CTSW: variants seen among roughly 807,000 people sequenced by gnomAD.
The protein encoded by CTSW is lymphopain.
A neutral mutation model predicts 43.8 loss-of-function variants in CTSW; 42 were observed. The ratio of observed to expected loss-of-function variants is 0.96; its 90% CI spans 0.75 to 1.24. The LOEUF is 1.24. Among genes scored for constraint, CTSW ranks in the 50% most tolerant of loss-of-function variants. The pLI is 0.00. For missense variants in CTSW, 475 were observed against 479.9 expected, an observed-to-expected ratio of 0.99 and a Z score of 0.09; for synonymous variants, 191 against 184.8, an observed-to-expected ratio of 1.03 and a Z score of -0.27.
chr11:65,880,096 A>G, intron 1 of CTSW, 106 bp from the exon 2 acceptor site: 1 of 1,252,616 alleles, frequency 8.0e-7, no homozygotes. Context: ...AGAAAAGGCT[A>G]ACTGGCTGAC....
chr11:65,881,787 C>A (rs1860108510), intron 3 of CTSW, among the ~76,000 whole-genome samples: 1 of 152,136 alleles, frequency 6.6e-6, no homozygotes. Flanking sequence ...AGGCTTGGCA[C>A]CCTTGCCTTT....
In CTSW at chr11:65,883,424, G is replaced by A. The variant is rs926041427; in HGVS notation, c.1020G>A (p.Lys340=). 3.1e-6 allele frequency: 5 copies of A among 1,614,070 alleles called. No homozygotes were observed. Among genetic ancestry groups the A allele is most frequent in the Non-Finnish European group, 4.2e-6 (5 of 1,179,970 alleles). The change falls in exon 9 of 10, where the codon AAG becomes AAA. Residue 340 remains lysine, a splice_region_variant and synonymous_variant. Transcript: ENST00000307886. The stretch of plus-strand genomic sequence containing the variant: ...CCTGGGGGGCCCAATGGGGAGAGAA[G>A]GTGAGTGTGATCTATTGGGGGAGGG... ...KNSWGAQWGE[K]GYFRLHRGSN...
intron 3 of CTSW, among the ~76,000 whole-genome samples, 172 bp from the exon 4 acceptor site, chr11:65,882,003 C>T (rs984954240): frequency 6.6e-6 from 1 of 152,194 alleles, no homozygotes; most frequent in African/African-American, 2.4e-5. Flanking sequence ...TCAAGTGATC[C>T]ACCCACCTTG....
In CTSW at chr11:65,882,515, T is replaced by C; in HGVS notation, c.527T>C (p.Val176Ala). The stretch of plus-strand genomic sequence containing the variant: ...ATCAGTTTCTGGGATTTTGTGGATG[T>C]CTCCGTGCAGGGTAGGGTTGGGAGA... The part of the protein sequence containing the change: ...WRISFWDFVD[V>A]SVQELLDCGR... The change falls in exon 5 of 10, where the codon GTC becomes GCC. Residue 176 changes from valine (V) to alanine (A), a missense_variant. Coordinates refer to ENST00000307886, the MANE Select transcript of CTSW (RefSeq NM_001335.4). The C allele has an allele frequency of 6.2e-7, 1 of 1,614,140 alleles. No individual in the cohort carries two copies. Among genetic ancestry groups the C allele is most frequent in the African/African-American group, 1.3e-5 (1 of 75,050 alleles).
chr11:65,882,248 G>A lies in CTSW; in HGVS notation c.360G>A (p.Arg120=), dbSNP rs1197582458. ...TCCCCAGCATGGGCAGAGAAATAAG[G>A]TCTGAAGAGCCAGAGGAGTCAGTAC... ...GGVPSMGREI[R]SEEPEESVPF... is the part of the protein sequence containing the mutation. The change falls in exon 4 of 10, where the codon AGG becomes AGA. Residue 120 remains arginine (R), a synonymous_variant. Coordinates refer to ENST00000307886, the MANE Select transcript of CTSW (RefSeq NM_001335.4). 6.2e-7 allele frequency: 1 copy of A among 1,614,068 alleles called. No homozygotes were observed. Among genetic ancestry groups the A allele is most frequent in the African/African-American group, 1.3e-5 (1 of 74,924 alleles).
chr11:65,881,543 G>A (rs773950358), intron 3 of CTSW, 23 bp downstream of exon 3: 156 of 1,532,352 alleles, frequency 1.0e-4, no homozygotes, highest in South Asian at 2.2e-4. Flanking sequence ...CTTCTGGCTC[G>A]TAGGTGGTGG....
intron 2 of CTSW, chr11:65,880,510 G>A (rs932715174): frequency 1.1e-5 from 4 of 369,206 alleles, no homozygotes; most frequent in Non-Finnish European, 1.5e-5. Context: ...TAGTAGAGAT[G>A]GGGTTTGACC....
In CTSW at chr11:65,883,326, T is replaced by C; in HGVS notation, c.922T>C (p.Trp308Arg). 3 of 1,614,078 alleles carry C rather than the reference T, an allele frequency of 1.9e-6. No individual in the cohort carries two copies. The highest frequency in any genetic ancestry group is 1.7e-6 in the Non-Finnish European group (2 of 1,180,004). Reference protein sequence around the residue: ...FGSVKSEEGIWAETVSSQSQP... With the variant: ...FGSVKSEEGIRAETVSSQSQP... ...CAGCGTCAAGTCAGAGGAGGGGATA[T>C]GGGCAGAGACAGTCTCATCGCAGTC... Residue 308 changes from tryptophan (W) to arginine (R), a missense_variant, in exon 9 of 10, where the codon TGG becomes CGG. Trp to Arg is a moderately radical substitution (Grantham distance 101). Coordinates refer to ENST00000307886, the MANE Select transcript of CTSW (RefSeq NM_001335.4).
chr11:65,882,068 G>A, intron 3 of CTSW, 107 bp from the exon 4 acceptor site: 1 of 1,398,206 alleles, frequency 7.2e-7, no homozygotes, highest in Non-Finnish European at 9.8e-7. Context: ...GCCTATCCTT[G>A]CCTTTTTGCC....
rs1860123159 is a variant in CTSW at position 65,882,525 on chromosome 11, G to A, written c.537G>A (p.Gln179=). The A allele has an allele frequency of 6.2e-7, 1 of 1,614,174 alleles. No homozygotes were observed. Among genetic ancestry groups the A allele is most frequent in the Non-Finnish European group, 8.5e-7 (1 of 1,179,998 alleles). The change falls in exon 5 of 10, where the codon CAG becomes CAA. Residue 179 remains glutamine, a splice_region_variant and synonymous_variant. Coordinates refer to ENST00000307886, the MANE Select transcript of CTSW (RefSeq NM_001335.4). ...SFWDFVDVSV[Q]ELLDCGRCGD... is the part of the protein sequence containing the mutation. ...GGGATTTTGTGGATGTCTCCGTGCA[G>A]GGTAGGGTTGGGAGAGGGTGCGCGT... is the stretch of plus-strand genomic sequence containing the variant.
At chr11:65,880,348 T>A in intron 2 of CTSW, 62 bp downstream of exon 2, 1 of 1,365,220 alleles carries the variant, frequency 7.3e-7, no homozygotes, top group East Asian at 2.4e-5. Context: ...TGAGACGGAG[T>A]TTCACTCTTG....
rs374468758 is a variant in CTSW at position 65,882,339 on chromosome 11, G to A, written c.441+10G>A. 1.4e-5 allele frequency: 23 copies of A among 1,613,976 alleles called. No homozygotes were observed. The highest frequency in any genetic ancestry group is 2.2e-5 in the East Asian group (1 of 44,896). ...ACCCATCAAGGACCAGGTATCTGCC[G>A]CTACCCAGCTGGCTCTAATTCAGCT... On this transcript the variant is annotated intron_variant, in intron 4 of 9. Transcript: ENST00000307886.
intron 3 of CTSW, 43 bp downstream of exon 3, chr11:65,881,563 G>A (rs755179255): frequency 9.5e-5 from 131 of 1,376,612 alleles, no homozygotes; most frequent in Middle Eastern, 1.8e-4. Flanking sequence ...GTTGGGAAGC[G>A]ATCTCCCCAG....
chr11:65,882,946 C>T, intron 7 of CTSW, 42 bp downstream of exon 7: 1 of 1,612,644 alleles, frequency 6.2e-7, no homozygotes, highest in South Asian at 1.1e-5. Context: ...CAGGGACAGA[C>T]ACCGGGGCAG....
At position 65,882,475 on chromosome 11, in the gene CTSW, G is replaced by C. The variant is rs1346669545; in HGVS notation, c.487G>C (p.Glu163Gln). 2 of 1,614,060 alleles carry C rather than the reference G, an allele frequency of 1.2e-6. No individual in the cohort carries two copies. Among genetic ancestry groups the C allele is most frequent in the Non-Finnish European group, 8.5e-7 (1 of 1,180,036 alleles). ...CWAMAAAGNI[E>Q]TLWRISFWDF... ...GGCCATGGCAGCGGCAGGCAACATA[G>C]AGACCCTGTGGCGCATCAGTTTCTG... The change falls in exon 5 of 10, where the codon GAG (glutamate) becomes CAG (glutamine). Residue 163 changes from glutamate to glutamine, a missense_variant. Physicochemically the swap from Glu to Gln is conservative, Grantham distance 29 (BLOSUM62 2). Transcript: ENST00000307886.
intron 2 of CTSW, 178 bp downstream of exon 2, chr11:65,880,464 G>A (rs979624348): frequency 2.0e-6 from 1 of 492,206 alleles, no homozygotes; most frequent in African/African-American, 2.0e-5. Flanking sequence ...GGGATTACAG[G>A]CATGCGCCAC....
At position 65,880,009 on chromosome 11, in the gene CTSW, C is replaced by G. The variant is rs79235845; in HGVS notation, c.87+68C>G. 2,862 of 1,407,444 alleles carry G rather than the reference C, an allele frequency of 2.0e-3. 44 individuals are homozygous for G. The African/African-American group carries it at 0.035, about 17-fold the overall frequency. The allele number at this position is 1,407,444 out of a possible 1,614,324, so 87.2% of individuals were successfully genotyped here. On this transcript the variant is annotated intron_variant, in intron 1 of 9. Transcript: ENST00000307886. ...GGGTCACCCCTTCAGAAACAGCTGG[C>G]CTGTCATTCTCATTTTTCAGAGGGA...
chr11:65,882,994 G>C (rs1039211827), intron 7 of CTSW, 75 bp from the exon 8 acceptor site: 2 of 1,612,254 alleles, frequency 1.2e-6, no homozygotes, highest in Non-Finnish European at 1.7e-6. Flanking sequence ...GAAGACAAGA[G>C]GGGGTGGGGG....
chr11:65,880,684 A>C, intron 2 of CTSW: 1 of 223,198 alleles, frequency 4.5e-6, no homozygotes. Context: ...GGCCAAGGCC[A>C]CTCAGCAGGA....
Sources: allele counts gnomAD v4.1 joint callset (sites outside exome capture counted in the v4.1 genomes callset), GRCh38; gene constraint gnomAD v4.1.1; transcripts MANE v1.5; gene names NCBI Gene and HGNC (gene_info 2026-07-23, HGNC 2026-07-21).